Variants in LEMD1 observed in about 807,000 individuals in gnomAD.
The protein encoded by LEMD1 is LEM domain containing 1, also known as LEM domain-containing protein 1.
In LEMD1, 18 loss-of-function variants were observed where a neutral mutation model predicts 17.4. The ratio of observed to expected loss-of-function variants is 1.04; its 90% CI spans 0.72 to 1.54. The LOEUF (loss-of-function observed/expected upper bound fraction) is 1.54, where lower values mean the gene tolerates loss of function less well. Among genes scored for constraint, LEMD1 ranks in the 40% most tolerant of loss-of-function variants. The probability of loss-of-function intolerance (pLI) is 0.00; values close to 1 mark genes in which losing one functional copy is unlikely to be tolerated. For synonymous variants in LEMD1, 88 were observed against 77.8 expected, an observed-to-expected ratio of 1.13 and a Z score of -0.69; for missense variants, 195 against 210.4, an observed-to-expected ratio of 0.93 and a Z score of 0.45.
chr1:205,389,701 C>T (rs1261265641), intron 4 of LEMD1, among the ~76,000 whole-genome samples: 1 of 152,162 alleles, frequency 6.6e-6, no homozygotes, highest in Non-Finnish European at 1.5e-5. Context: ...TTCTTAAAGG[C>T]CTATATGTAG....
chr1:205,449,085 G>T (rs979652075), intron 1 of LEMD1, among the ~76,000 whole-genome samples: 1 of 152,090 alleles, frequency 6.6e-6, no homozygotes, highest in Non-Finnish European at 1.5e-5. Flanking sequence ...ACCTCCCCAA[G>T]CTGAGGGCAG....
At chr1:205,410,490 G>C (rs944922233) in intron 4 of LEMD1, among the ~76,000 whole-genome samples, 1 of 152,096 alleles carries the variant, frequency 6.6e-6, no homozygotes, top group Non-Finnish European at 1.5e-5. Context: ...AAGAGACAAC[G>C]TATATGGTAC....
chr1:205,396,617 A>G (rs1361341247), intron 4 of LEMD1, among the ~76,000 whole-genome samples: 1 of 152,210 alleles, frequency 6.6e-6, no homozygotes, highest in Non-Finnish European at 1.5e-5. Context: ...AAATAAATGA[A>G]CTAAAGCTAC....
intron 4 of LEMD1, among the ~76,000 whole-genome samples, chr1:205,397,310 A>G (rs895253218): frequency 1.3e-5 from 2 of 152,130 alleles, no homozygotes; most frequent in African/African-American, 4.8e-5. Flanking sequence ...CTAGATTTCT[A>G]TTTCCAATTT....
chr1:205,445,419 G>A (rs755950683), intron 1 of LEMD1, among the ~76,000 whole-genome samples: 6 of 152,234 alleles, frequency 3.9e-5, no homozygotes, highest in Non-Finnish European at 7.3e-5. Flanking sequence ...TCTCCTTGGA[G>A]GTTAACTCCT....
intron 5 of LEMD1, among the ~76,000 whole-genome samples, chr1:205,382,591 G>A (rs909572179): frequency 3.3e-5 from 5 of 152,098 alleles, no homozygotes; most frequent in African/African-American, 7.2e-5. Flanking sequence ...TACTAACAGC[G>A]TATTGGGGGA....
upstream of LEMD1, among the ~76,000 whole-genome samples, chr1:205,426,093 C>T (rs1194627789): frequency 3.3e-5 from 5 of 152,274 alleles, no homozygotes; most frequent in Non-Finnish European, 7.3e-5. Context: ...GGAACACTTT[C>T]CCTGCTATAC....
rs138972212 is a variant in LEMD1 at position 205,428,214 on chromosome 1, A to G, written c.-38-7640T>C. ...AAAGTCAAAGCATAATGAAACCCAC[A>G]TATACCCCTCACCCTGCTTCAACAG... is the stretch of plus-strand genomic sequence containing the variant. On this transcript the variant is annotated intron_variant, in intron 1 of 3. Coordinates refer to the LEMD1 transcript ENST00000367154. 4.7e-3 allele frequency among the ~76,000 whole-genome samples: 710 copies of G among 152,346 alleles called. 7 individuals carry two copies. Among genetic ancestry groups the G allele is most frequent in the Non-Finnish European group, 4.5e-3 (309 of 68,038 alleles).
At chr1:205,445,612 G>C (rs985268823) in intron 1 of LEMD1, among the ~76,000 whole-genome samples, 3 of 152,218 alleles carry the variant, frequency 2.0e-5, no homozygotes, top group African/African-American at 7.2e-5. Context: ...AGACTGCAAG[G>C]GCAGCCAAGC....
intron 1 of LEMD1, among the ~76,000 whole-genome samples, chr1:205,428,624 C>T (rs915891795): frequency 5.3e-5 from 8 of 152,144 alleles, no homozygotes; most frequent in South Asian, 2.1e-4. Context: ...GGGAGGAAAG[C>T]GCTCTGATTT....
chr1:205,394,044 C>T (rs1271594310), intron 4 of LEMD1, among the ~76,000 whole-genome samples: 1 of 151,998 alleles, frequency 6.6e-6, no homozygotes, highest in East Asian at 1.9e-4. Context: ...GAAGTGCTGA[C>T]GCAAATACAT....
At chr1:205,404,932 A>G (rs1164659061) in intron 4 of LEMD1, among the ~76,000 whole-genome samples, 6 of 152,080 alleles carry the variant, frequency 3.9e-5, no homozygotes, top group African/African-American at 1.2e-4. Flanking sequence ...GCTTGTCGGT[A>G]AAGTATTTTA....
intron 4 of LEMD1, among the ~76,000 whole-genome samples, chr1:205,410,210 C>T (rs1665323850): frequency 6.6e-6 from 1 of 152,174 alleles, no homozygotes; most frequent in South Asian, 2.1e-4. Flanking sequence ...GCATGAGCCA[C>T]CACACCTGGC....
intron 4 of LEMD1, 25 bp downstream of exon 4, chr1:205,416,207 A>C (rs537074572): frequency 6.9e-7 from 1 of 1,450,252 alleles, no homozygotes; most frequent in East Asian, 2.5e-5. Context: ...GGGTATAAGT[A>C]TTCAGGCATT....
At chr1:205,404,072 T>C (rs1469242044) in intron 4 of LEMD1, among the ~76,000 whole-genome samples, 2 of 152,226 alleles carry the variant, frequency 1.3e-5, no homozygotes, top group Non-Finnish European at 2.9e-5. Context: ...AGAGACAGTT[T>C]GTTATAATTT....
intron 4 of LEMD1, among the ~76,000 whole-genome samples, chr1:205,408,420 T>C (rs1665224992): frequency 6.6e-6 from 1 of 152,172 alleles, no homozygotes; most frequent in Non-Finnish European, 1.5e-5. Flanking sequence ...GTTTGTACTA[T>C]CCTTGCAAGT....
chr1:205,402,570 A>T (rs960053559), intron 4 of LEMD1, among the ~76,000 whole-genome samples: 19 of 152,240 alleles, frequency 1.2e-4, no homozygotes, highest in Non-Finnish European at 2.4e-4. Context: ...ACTTTGCTGA[A>T]GTTGCTTATC....
At position 205,388,659 on chromosome 1, in the gene LEMD1, A is replaced by G. The variant is rs1348706905; in HGVS notation, c.271-4295T>C. Among the ~76,000 whole-genome samples, 3 of 152,372 alleles carry G rather than the reference A, an allele frequency of 2.0e-5. No homozygotes were observed. The East Asian group carries it at 5.8e-4, about 29-fold the overall frequency. On this transcript the variant is annotated intron_variant, in intron 4 of 5. Transcript: ENST00000367153. ...ATTCTGGCTCCAATGCTGTAAAAAT[A>G]CATTTCTATTATTATAGAAGAACTC...
chr1:205,430,954 A>C lies in LEMD1; in HGVS notation c.-38-10380T>G, dbSNP rs1447173342. Among the ~76,000 whole-genome samples, 4 of 152,136 alleles carry C rather than the reference A, an allele frequency of 2.6e-5. No homozygotes were observed. The East Asian group carries it at 7.7e-4, about 29-fold the overall frequency. On this transcript the variant is annotated intron_variant, in intron 1 of 3. Transcript: ENST00000367154. ...CCCCTCACCCCTCGCTCCCTACCCC[A>C]GCTCAATTCGGCTGAGGCTGAGATG...
Sources: allele counts gnomAD v4.1 joint callset (sites outside exome capture counted in the v4.1 genomes callset), GRCh38; gene constraint gnomAD v4.1.1; transcripts MANE v1.5; gene names NCBI Gene and HGNC (gene_info 2026-07-23, HGNC 2026-07-21).